LMCD1: variants seen among roughly 807,000 people sequenced by gnomAD.
LMCD1 encodes LIM and cysteine rich domains 1, also known as LIM and cysteine-rich domains protein 1.
Under a neutral mutation model 42.7 loss-of-function variants are expected in LMCD1, and 32 were observed. The ratio of observed to expected loss-of-function variants is 0.75; its 90% CI spans 0.57 to 1.01. The LOEUF (loss-of-function observed/expected upper bound fraction) is 1.01. Among genes scored for constraint, LMCD1 ranks in the 50% least tolerant of loss-of-function variants. The probability of loss-of-function intolerance (pLI) is 0.00; values close to 1 mark genes in which losing one functional copy is unlikely to be tolerated. For synonymous variants in LMCD1, 178 were observed against 184.9 expected, an observed-to-expected ratio of 0.96 and a Z score of 0.30; for missense variants, 458 against 483.1, an observed-to-expected ratio of 0.95 and a Z score of 0.49.
intron 4 of LMCD1, chr3:8,551,308 T>A (rs781140264): frequency 2.9e-5 from 29 of 985,322 alleles, no homozygotes; most frequent in Non-Finnish European, 3.0e-5. Flanking sequence ...AAAAATGGGA[T>A]CTATTTGGAT....
chr3:8,509,189 G>A (rs562938233), intron 1 of LMCD1, among the ~76,000 whole-genome samples: 7 of 152,258 alleles, frequency 4.6e-5, no homozygotes, highest in African/African-American at 1.7e-4. Context: ...TCAGCATGAT[G>A]CAAAAATCCC....
chr3:8,551,244 G>A, intron 4 of LMCD1: 1 of 983,918 alleles, frequency 1.0e-6, no homozygotes, highest in South Asian at 4.7e-5. Context: ...GATATACATA[G>A]CCATTGCTCA....
chr3:8,502,288 AAT>A (rs1367571298), intron 1 of LMCD1, among the ~76,000 whole-genome samples: 1 of 33,034 alleles, frequency 3.0e-5, no homozygotes, highest in African/African-American at 1.4e-4. Context: ...AAATATATAT[AAT>A]ATATATTATA....
At chr3:8,504,403 C>G (rs1559342855) in intron 1 of LMCD1, among the ~76,000 whole-genome samples, 1 of 152,222 alleles carries the variant, frequency 6.6e-6, no homozygotes, top group African/African-American at 2.4e-5. Context: ...TTCATAGACT[C>G]TTAGAGCTAC....
Position 8,569,744 on chromosome 3 carries a change from T to G in LMCD1, c.*2146T>G, listed in dbSNP as rs1559359998. ...GGCATAGTGGCTCAGGCCTGTATTC[T>G]CAGCACTTTGGGAGGCCAAAGCGGG... On this transcript the variant is annotated 3_prime_UTR_variant, in exon 6 of 6. Transcript: ENST00000157600. The G allele has an allele frequency of 6.6e-6, 1 of 152,174 alleles. No individual in the cohort carries two copies. The highest frequency in any genetic ancestry group is 1.5e-5 in the Non-Finnish European group (1 of 68,102). The allele number at this position is 152,174 out of a possible 1,614,324, so 9.4% of individuals were successfully genotyped here.
At chr3:8,562,432 C>G (rs543596598) in intron 4 of LMCD1, among the ~76,000 whole-genome samples, 2 of 152,300 alleles carry the variant, frequency 1.3e-5, no homozygotes, top group Admixed American at 6.5e-5. Context: ...AGCTCAGTTC[C>G]CATAGAAAGC....
chr3:8,513,947 G>A (rs1158109943), intron 1 of LMCD1, among the ~76,000 whole-genome samples: 1 of 152,134 alleles, frequency 6.6e-6, no homozygotes, highest in Non-Finnish European at 1.5e-5. Context: ...CCTGGGGGAT[G>A]TCTGCTGGCC....
chr3:8,506,036 A>G (rs945038038), intron 1 of LMCD1, among the ~76,000 whole-genome samples: 3 of 152,248 alleles, frequency 2.0e-5, no homozygotes, highest in Non-Finnish European at 4.4e-5. Context: ...AAAAACAGAA[A>G]TTATCCAAGT....
intron 1 of LMCD1, among the ~76,000 whole-genome samples, chr3:8,508,291 TA>T (rs1693922727): frequency 6.6e-6 from 1 of 152,108 alleles, no homozygotes; most frequent in Non-Finnish European, 1.5e-5. Flanking sequence ...GCCTACCCAA[TA>T]ATATATAAAT....
chr3:8,518,610 A>G (rs73127972), intron 1 of LMCD1, among the ~76,000 whole-genome samples: 4,377 of 152,316 alleles, frequency 0.029, 118 homozygotes, highest in African/African-American at 0.07. Flanking sequence ...CAAGGATACC[A>G]TAAACATAGG....
chr3:8,536,103 C>G (rs1027140667), intron 2 of LMCD1, among the ~76,000 whole-genome samples: 3 of 152,202 alleles, frequency 2.0e-5, no homozygotes, highest in African/African-American at 7.2e-5. Context: ...TACCTCCTGA[C>G]TGTAGGAGGG....
intron 1 of LMCD1, among the ~76,000 whole-genome samples, chr3:8,511,409 G>A (rs920593608): frequency 6.6e-6 from 1 of 152,222 alleles, no homozygotes; most frequent in Non-Finnish European, 1.5e-5. Context: ...TTTAAAATCT[G>A]ATGGTCTCAG....
intron 1 of LMCD1, among the ~76,000 whole-genome samples, chr3:8,503,227 G>A (rs1039628985): frequency 2.0e-5 from 3 of 152,182 alleles, no homozygotes; most frequent in Admixed American, 6.5e-5. Context: ...AACAAAAGAC[G>A]TGAGAATCAA....
chr3:8,553,516 T>C (rs530071565), intron 4 of LMCD1, among the ~76,000 whole-genome samples: 1 of 152,342 alleles, frequency 6.6e-6, no homozygotes, highest in Non-Finnish European at 1.5e-5. Flanking sequence ...CCCACCTGCA[T>C]GGCCGGGGCT....
chr3:8,502,288 A>AAT (rs1367571298), intron 1 of LMCD1, among the ~76,000 whole-genome samples: 1 of 33,034 alleles, frequency 3.0e-5, no homozygotes, highest in Non-Finnish European at 5.2e-5. Flanking sequence ...AAATATATAT[A>AAT]ATATATATTA....
At chr3:8,541,417 C>T (rs528135589) in intron 3 of LMCD1, among the ~76,000 whole-genome samples, 1 of 152,250 alleles carries the variant, frequency 6.6e-6, no homozygotes, top group South Asian at 2.1e-4. Flanking sequence ...GGTGTGGTAG[C>T]AGGCGCCTGT....
intron 4 of LMCD1, among the ~76,000 whole-genome samples, chr3:8,563,476 A>G (rs980904778): frequency 2.6e-5 from 4 of 152,268 alleles, no homozygotes; most frequent in African/African-American, 4.8e-5. Flanking sequence ...GTCCTGGGTC[A>G]GAGCTGCAAC....
chr3:8,565,054 T>C (rs1695101965), intron 4 of LMCD1, among the ~76,000 whole-genome samples: 1 of 152,230 alleles, frequency 6.6e-6, no homozygotes, highest in Admixed American at 6.5e-5. Flanking sequence ...TTTAGTATTG[T>C]CATTTTTAAA....
At chr3:8,520,983 C>T (rs1445330687) in intron 1 of LMCD1, among the ~76,000 whole-genome samples, 4 of 152,216 alleles carry the variant, frequency 2.6e-5, no homozygotes, top group Non-Finnish European at 5.9e-5. Context: ...TGGCTGTTTT[C>T]TCAGTCTGCC....
Sources: gnomAD v4.1 joint callset for allele counts (sites outside exome capture counted in the v4.1 genomes callset) on GRCh38, gnomAD v4.1.1 for gene constraint, MANE v1.5 for transcripts, NCBI Gene and HGNC (gene_info 2026-07-23, HGNC 2026-07-21) for gene names.